ANO6: variants seen among roughly 807,000 people sequenced by gnomAD.
ANO6 encodes anoctamin 6, also known as anoctamin-6.
ANO6 carries 106 observed loss-of-function variants against 117.5 expected under a neutral mutation model. That is an observed-to-expected ratio of 0.90 (90% CI 0.77 to 1.06). The LOEUF (loss-of-function observed/expected upper bound fraction) is 1.06, where lower values mean the gene tolerates loss of function less well. Among genes scored for constraint, ANO6 ranks in the 50% least tolerant of loss-of-function variants. The probability of loss-of-function intolerance (pLI) is 0.00; values close to 1 mark genes in which losing one functional copy is unlikely to be tolerated. For missense variants in ANO6, 955 were observed against 1,121.1 expected, an observed-to-expected ratio of 0.85 and a Z score of 2.12; for synonymous variants, 367 against 385.1, an observed-to-expected ratio of 0.95 and a Z score of 0.55.
At chr12:45,357,159 TG>T in intron 7 of ANO6, 130 bp from the exon 8 acceptor site, 1 of 995,712 alleles carries the variant, frequency 1.0e-6, no homozygotes, top group Non-Finnish European at 1.5e-6. Context: ...TGAAAATGAA[TG>T]TTTTAAGGGT....
At chr12:45,276,423 T>C (rs1358871618) in intron 1 of ANO6, among the ~76,000 whole-genome samples, 1 of 152,184 alleles carries the variant, frequency 6.6e-6, no homozygotes, top group Non-Finnish European at 1.5e-5. Context: ...GTCACACCGA[T>C]CTTTGATCAT....
intron 19 of ANO6, chr12:45,439,548 A>G: frequency 2.4e-6 from 2 of 841,260 alleles, no homozygotes; most frequent in Non-Finnish European, 3.3e-6. Context: ...TTGAATTTGG[A>G]CCTTTAAACA....
At chr12:45,326,894 A>T (rs1422907178) in intron 2 of ANO6, among the ~76,000 whole-genome samples, 1 of 152,168 alleles carries the variant, frequency 6.6e-6, no homozygotes, top group Non-Finnish European at 1.5e-5. Flanking sequence ...GGAACCTCTC[A>T]TAACCAGTCT....
downstream of ANO6, among the ~76,000 whole-genome samples, chr12:45,435,098 C>G (rs754502998): frequency 1.3e-4 from 20 of 152,186 alleles, no homozygotes; most frequent in Non-Finnish European, 2.4e-4. Context: ...ATTCCTAATA[C>G]TTGATTATGG....
chr12:45,363,060 A>G (rs1278167847), intron 8 of ANO6, among the ~76,000 whole-genome samples: 1 of 151,952 alleles, frequency 6.6e-6, no homozygotes, highest in African/African-American at 2.4e-5. Context: ...CTCTCTTAGT[A>G]TAGGTTAAGT....
At chr12:45,279,558 G>C (rs548709022) in intron 1 of ANO6, among the ~76,000 whole-genome samples, 4 of 152,132 alleles carry the variant, frequency 2.6e-5, no homozygotes, top group African/African-American at 9.7e-5. Flanking sequence ...ACAAATTTCT[G>C]TGTGACCTCT....
chr12:45,412,366 C>T (rs1270446725), intron 16 of ANO6, among the ~76,000 whole-genome samples: 2 of 152,182 alleles, frequency 1.3e-5, no homozygotes, highest in South Asian at 4.1e-4. Context: ...CCACCCTTGC[C>T]GTGGTACCTT....
chr12:45,336,862 C>T (rs1390038136), intron 3 of ANO6, among the ~76,000 whole-genome samples: 1 of 152,002 alleles, frequency 6.6e-6, no homozygotes, highest in East Asian at 1.9e-4. Context: ...AAAGAAGGCA[C>T]TGTTATCACA....
intron 9 of ANO6, among the ~76,000 whole-genome samples, chr12:45,370,796 G>A (rs1941804507): frequency 6.6e-6 from 1 of 152,190 alleles, no homozygotes; most frequent in African/African-American, 2.4e-5. Context: ...TTGTTCCCCA[G>A]AGCAGGCACG....
intron 19 of ANO6, among the ~76,000 whole-genome samples, chr12:45,426,482 C>G (rs1291787781): frequency 2.0e-5 from 3 of 152,138 alleles, no homozygotes; most frequent in East Asian, 1.9e-4. Context: ...CTCGATTCCT[C>G]TATCTTTCTA....
chr12:45,329,179 C>G (rs908495254), intron 2 of ANO6, among the ~76,000 whole-genome samples: 2 of 152,196 alleles, frequency 1.3e-5, no homozygotes, highest in Non-Finnish European at 2.9e-5. Flanking sequence ...AATTTAACTT[C>G]AGCATTTTAA....
intron 6 of ANO6, 106 bp from the exon 7 acceptor site, chr12:45,350,553 G>T: frequency 1.2e-6 from 1 of 868,760 alleles, no homozygotes; most frequent in Admixed American, 2.0e-5. Flanking sequence ...AGAAGGTGAG[G>T]ACCCCTTGTT....
intron 1 of ANO6, among the ~76,000 whole-genome samples, chr12:45,262,150 A>G (rs931361817): frequency 6.6e-6 from 1 of 152,114 alleles, no homozygotes; most frequent in Non-Finnish European, 1.5e-5. Context: ...TCACCCCAAC[A>G]CTACCCCTCA....
At position 45,409,363 on chromosome 12, in the gene ANO6, C is replaced by G. The variant is rs899169885; in HGVS notation, c.1887C>G (p.Ile629Met). Residue 629 changes from isoleucine to methionine, a missense_variant, in exon 16 of 20, where the codon ATC becomes ATG. Ile to Met is a conservative substitution (Grantham distance 10, BLOSUM62 1). Coordinates refer to ENST00000320560, the MANE Select transcript of ANO6 (RefSeq NM_001025356.3). Reference protein sequence around the residue: ...NNIQEVLLPWIMNLIGRFHRV... With the variant: ...NNIQEVLLPWMMNLIGRFHRV... ...AAATTGTTCTTTTTGGCAGCTGGAT[C>G]ATGAATCTAATTGGGCGATTTCACA... 11 of 1,613,754 alleles carry G rather than the reference C, an allele frequency of 6.8e-6. No homozygotes were observed. The highest frequency in any genetic ancestry group is 8.5e-6 in the Non-Finnish European group (10 of 1,179,878).
intron 3 of ANO6, among the ~76,000 whole-genome samples, chr12:45,339,797 C>T (rs1461243487): frequency 6.6e-6 from 1 of 152,058 alleles, no homozygotes; most frequent in Non-Finnish European, 1.5e-5. Flanking sequence ...ATGTATTTCT[C>T]TTGCGTTTTT....
In ANO6 at chr12:45,237,016, A is replaced by G. The variant is rs182438672; in HGVS notation, c.70+20625A>G. Among the ~76,000 whole-genome samples the G allele has an allele frequency of 3.2e-3, 494 of 152,316 alleles. 1 individual carries two copies. The highest frequency in any genetic ancestry group is 5.8e-3 in the Non-Finnish European group (393 of 68,032). ...ATTTTTTCATGTTTCTGTTGGCTGCATAAATGTCTTCTTTTGAGAAGTGTC... is the reference window on the plus strand; with the variant it reads ...ATTTTTTCATGTTTCTGTTGGCTGCGTAAATGTCTTCTTTTGAGAAGTGTC... On this transcript the variant is annotated intron_variant, in intron 1 of 19. Coordinates refer to ENST00000320560, the MANE Select transcript of ANO6 (RefSeq NM_001025356.3).
Position 45,371,165 on chromosome 12 carries a change from C to T in ANO6, c.1104+3372C>T, listed in dbSNP as rs539430505. On this transcript the variant is annotated intron_variant, in intron 9 of 19. Transcript: ENST00000320560. ...GCGCTTTTCTGACGGGCTTAAAAAACGGCGCACCACAAGATTATATCCCGC... is the reference window on the plus strand; with the variant it reads ...GCGCTTTTCTGACGGGCTTAAAAAATGGCGCACCACAAGATTATATCCCGC... Among the ~76,000 whole-genome samples the T allele has an allele frequency of 9.2e-5, 14 of 152,186 alleles. 1 individual carries two copies. Among genetic ancestry groups the T allele is most frequent in the East Asian group, 5.8e-4 (3 of 5,192 alleles).
At chr12:45,397,411 G>A (rs1312205005) in intron 12 of ANO6, among the ~76,000 whole-genome samples, 1 of 152,188 alleles carries the variant, frequency 6.6e-6, no homozygotes, top group Non-Finnish European at 1.5e-5. Flanking sequence ...TTCAACCATT[G>A]TGGAAGACTG....
At chr12:45,350,214 G>A (rs1941244473) in intron 6 of ANO6, among the ~76,000 whole-genome samples, 1 of 152,178 alleles carries the variant, frequency 6.6e-6, no homozygotes, top group East Asian at 1.9e-4. Context: ...TGAACTGGGG[G>A]CAAAGAAGCC....
Sources: gnomAD v4.1 joint callset for allele counts (sites outside exome capture counted in the v4.1 genomes callset) on GRCh38, gnomAD v4.1.1 for gene constraint, MANE v1.5 for transcripts, NCBI Gene and HGNC (gene_info 2026-07-23, HGNC 2026-07-21) for gene names.